JAKMIP2: variants seen among roughly 807,000 people sequenced by gnomAD.
JAKMIP2 encodes janus kinase and microtubule-interacting protein 2.
JAKMIP2 carries 25 observed loss-of-function variants against 115.0 expected under a neutral mutation model. That is an observed-to-expected ratio of 0.22 (90% CI 0.16 to 0.30). The LOEUF (loss-of-function observed/expected upper bound fraction) is 0.30, where lower values mean the gene tolerates loss of function less well. Among genes scored for constraint, JAKMIP2 ranks in the 10% least tolerant of loss-of-function variants. The pLI is 1.00. For missense variants in JAKMIP2, 642 were observed against 957.6 expected, an observed-to-expected ratio of 0.67 and a Z score of 4.35; for synonymous variants, 334 against 343.6, an observed-to-expected ratio of 0.97 and a Z score of 0.31.
intron 1 of JAKMIP2, among the ~76,000 whole-genome samples, chr5:147,749,829 G>A (rs1418253810): frequency 6.6e-6 from 1 of 152,176 alleles, no homozygotes; most frequent in East Asian, 1.9e-4. Context: ...AAAAACTGTT[G>A]CAATAGTTAA....
intron 1 of JAKMIP2, among the ~76,000 whole-genome samples, chr5:147,683,055 G>C (rs1019678295): frequency 1.3e-5 from 2 of 152,216 alleles, no homozygotes; most frequent in Non-Finnish European, 2.9e-5. Context: ...AGAGTAAGAA[G>C]TGTCAACTTC....
chr5:147,732,498 G>A (rs1272280532), intron 1 of JAKMIP2, among the ~76,000 whole-genome samples: 1 of 150,036 alleles, frequency 6.7e-6, no homozygotes, highest in Non-Finnish European at 1.5e-5. Context: ...TCTCTTGTAA[G>A]AGTATGTTAG....
intron 3 of JAKMIP2, among the ~76,000 whole-genome samples, chr5:147,658,721 C>T (rs941587027): frequency 5.3e-5 from 8 of 152,130 alleles, no homozygotes; most frequent in African/African-American, 1.9e-4. Flanking sequence ...TGCAGAGAGA[C>T]CTTGCCTAGT....
rs1319686805 is a variant in JAKMIP2 at position 147,644,880 on chromosome 5, T to C, written c.1053A>G (p.Leu351=). ...MVSLQRMEEK[L]KAVTKENSEM... ...CTGAATTTTCCTTGGTAACGGCTTT[T>C]AGTTTTTCTTCCATGCGCTGCAAGG... Residue 351 remains leucine, a synonymous_variant, in exon 6 of 22, where the codon CTA becomes CTG. Transcript: ENST00000616793. 1.2e-6 allele frequency: 2 copies of C among 1,613,718 alleles called. No individual in the cohort carries two copies. The highest frequency in any genetic ancestry group is 1.7e-4 in the Middle Eastern group (1 of 6,056).
At chr5:147,769,296 G>T (rs1561585188) in intron 1 of JAKMIP2, among the ~76,000 whole-genome samples, 1 of 152,036 alleles carries the variant, frequency 6.6e-6, no homozygotes, top group African/African-American at 2.4e-5. Flanking sequence ...AGAAGAGAAA[G>T]ATTTCATTTC....
chr5:147,620,690 T>C lies in JAKMIP2; in HGVS notation c.2118A>G (p.Lys706=), dbSNP rs1319833262. 5.0e-6 allele frequency: 8 copies of C among 1,613,542 alleles called. No homozygotes were observed. Among genetic ancestry groups the C allele is most frequent in the Non-Finnish European group, 6.8e-6 (8 of 1,179,688 alleles). Residue 706 remains lysine (K), a synonymous_variant, in exon 18 of 22, where the codon AAA becomes AAG. Coordinates refer to ENST00000616793, the MANE Select transcript of JAKMIP2 (RefSeq NM_001270941.2). The stretch of plus-strand genomic sequence containing the variant: ...CCATATATGCTTGGTCAAGAGCTTG[T>C]TTTCTGTAGTCTAGTTCTTCCTCCA... The part of the protein sequence containing the change: ...GYLEEELDYR[K]QALDQAYMRI...
At chr5:147,703,961 G>C (rs1029059906) in intron 1 of JAKMIP2, among the ~76,000 whole-genome samples, 1 of 151,680 alleles carries the variant, frequency 6.6e-6, no homozygotes, top group Non-Finnish European at 1.5e-5. Context: ...AACACCAACC[G>C]CACATTACCT....
At chr5:147,678,958 T>C (rs527432761) in intron 1 of JAKMIP2, among the ~76,000 whole-genome samples, 55 of 140,910 alleles carry the variant, frequency 3.9e-4, no homozygotes, top group African/African-American at 1.5e-3. Context: ...TCCAACTACA[T>C]TTTTATTTAT....
intron 16 of JAKMIP2, among the ~76,000 whole-genome samples, chr5:147,627,938 T>C (rs893978722): frequency 1.3e-5 from 2 of 152,116 alleles, no homozygotes; most frequent in African/African-American, 4.8e-5. Flanking sequence ...TCATTTCAGA[T>C]TGGAGAGAGC....
chr5:147,663,053 T>G (rs1056143834), intron 2 of JAKMIP2, among the ~76,000 whole-genome samples: 2 of 151,962 alleles, frequency 1.3e-5, no homozygotes, highest in Non-Finnish European at 2.9e-5. Flanking sequence ...AATAGCTAGT[T>G]GAGTGATATC....
chr5:147,758,890 T>A (rs1177834987), intron 1 of JAKMIP2, among the ~76,000 whole-genome samples: 4 of 152,158 alleles, frequency 2.6e-5, no homozygotes, highest in Non-Finnish European at 4.4e-5. Flanking sequence ...GGTGCATTGT[T>A]TAGGGTGCAC....
At chr5:147,723,728 T>C (rs979265561) in intron 1 of JAKMIP2, among the ~76,000 whole-genome samples, 4 of 152,190 alleles carry the variant, frequency 2.6e-5, no homozygotes, top group African/African-American at 7.2e-5. Flanking sequence ...ATAACCATTA[T>C]TAGACATTAC....
intron 1 of JAKMIP2, among the ~76,000 whole-genome samples, chr5:147,721,512 G>C (rs532719145): frequency 1.7e-4 from 26 of 152,230 alleles, no homozygotes; most frequent in Admixed American, 1.5e-3. Context: ...CTCCGTGGGC[G>C]TAGGACCCTC....
At chr5:147,612,512 TC>T in intron 19 of JAKMIP2, 141 bp from the exon 20 acceptor site, 1 of 567,432 alleles carries the variant, frequency 1.8e-6, no homozygotes, top group East Asian at 2.9e-5. Context: ...ATGTATGTTT[TC>T]CCCACCCAAA....
At chr5:147,594,713 C>A (rs1342944826) in intron 21 of JAKMIP2, among the ~76,000 whole-genome samples, 1 of 152,114 alleles carries the variant, frequency 6.6e-6, no homozygotes, top group Non-Finnish European at 1.5e-5. Context: ...ACCGTTTAAC[C>A]AGTTACACCA....
chr5:147,702,268 A>G (rs1752349323), intron 1 of JAKMIP2, among the ~76,000 whole-genome samples: 1 of 151,094 alleles, frequency 6.6e-6, no homozygotes, highest in South Asian at 2.1e-4. Context: ...ATGCAAGGGC[A>G]TAAGAATGAT....
chr5:147,628,922 A>T (rs1050592166), intron 15 of JAKMIP2, 106 bp from the exon 16 acceptor site: 2 of 702,798 alleles, frequency 2.8e-6, no homozygotes, highest in African/African-American at 3.6e-5. Context: ...AAGCCTGTAT[A>T]GAAACTTAAC....
intron 1 of JAKMIP2, among the ~76,000 whole-genome samples, chr5:147,678,723 C>T (rs1419586059): frequency 6.6e-6 from 1 of 151,874 alleles, no homozygotes; most frequent in African/African-American, 2.4e-5. Context: ...GATAGATATC[C>T]CATTCTCCAT....
rs1561582740 is a variant in JAKMIP2, at chr5:147,764,967, GGGGAGAGAGAGAGAGAGAGAGAGGGA to G, written c.-149+17463_-149+17488del. Among the ~76,000 whole-genome samples the G allele has an allele frequency of 5.2e-4, 11 of 21,256 alleles. 1 individual carries two copies. The East Asian group carries it at 8.2e-3, about 16-fold the overall frequency. 13.9% of individuals were successfully genotyped at this position (21,256 alleles called of 152,430 possible). ...GAGAGGGAGAGAGAGAGAGAGAGAGGGGGAGAGAGAGAGAGAGAGAGAGGGAGAGAGAGAGAGAGAGAGAAAGGGAG... is the reference window on the plus strand; with the variant it reads ...GAGAGGGAGAGAGAGAGAGAGAGAGGGAGAGAGAGAGAGAGAGAAAGGGAG... On this transcript the variant is annotated intron_variant, in intron 1 of 21. Coordinates refer to ENST00000616793, the MANE Select transcript of JAKMIP2 (RefSeq NM_001270941.2).
Sources: allele counts gnomAD v4.1 joint callset (sites outside exome capture counted in the v4.1 genomes callset), GRCh38; gene constraint gnomAD v4.1.1; transcripts MANE v1.5; gene names NCBI Gene and HGNC (gene_info 2026-07-23, HGNC 2026-07-21).